PTPRD: variants seen among roughly 807,000 people sequenced by gnomAD.
PTPRD encodes protein tyrosine phosphatase receptor type D, also known as receptor-type tyrosine-protein phosphatase delta.
In PTPRD, 34 loss-of-function variants were observed where a neutral mutation model predicts 214.5. That is an observed-to-expected ratio of 0.16 (90% CI 0.12 to 0.21). The LOEUF is 0.21. PTPRD is among the 10% of genes least tolerant of loss of function. The pLI is 1.00. For synonymous variants in PTPRD, 1,128 were observed against 845.7 expected (o/e 1.33, Z -5.79); for missense variants, 2,545 against 2,398.7 (o/e 1.06, Z -1.27).
At chr9:9,280,363 G>T (rs924751445) in intron 9 of PTPRD, among the ~76,000 whole-genome samples, 14 of 151,186 alleles carry the variant, frequency 9.3e-5, no homozygotes, top group African/African-American at 3.4e-4. Flanking sequence ...AACTAAAAAT[G>T]ATAATTCAGA....
intron 3 of PTPRD, among the ~76,000 whole-genome samples, chr9:10,134,235 C>G (rs1011557943): frequency 1.3e-5 from 2 of 152,112 alleles, no homozygotes; most frequent in Non-Finnish European, 2.9e-5. Context: ...CTGCAGGTCT[C>G]CTGGTGACCT....
intron 5 of PTPRD, among the ~76,000 whole-genome samples, chr9:9,857,187 G>T (rs1040006010): frequency 6.6e-6 from 1 of 152,094 alleles, no homozygotes; most frequent in Non-Finnish European, 1.5e-5. Flanking sequence ...CAAATGCTTT[G>T]CCCTCAATGT....
intron 6 of PTPRD, among the ~76,000 whole-genome samples, chr9:9,759,465 C>A (rs1345034478): frequency 6.6e-6 from 1 of 151,738 alleles, no homozygotes; most frequent in Non-Finnish European, 1.5e-5. Context: ...AGCACCAGTA[C>A]CTTATTAGTT....
In PTPRD at chr9:8,375,822, G is replaced by C. The variant is rs555642997; in HGVS notation, c.4661+114C>G. 2.9e-5 allele frequency: 37 copies of C among 1,266,750 alleles called. No homozygotes were observed. The East Asian group carries it at 9.0e-4, about 31-fold the overall frequency. The allele number at this position is 1,266,750 out of a possible 1,614,324, so 78.5% of individuals were successfully genotyped here. ...GGCCTCATTTGACCAAAAGAGAGCTGTATTATTTATGAAGACATTTACTAT... is the reference window on the plus strand; with the variant it reads ...GGCCTCATTTGACCAAAAGAGAGCTCTATTATTTATGAAGACATTTACTAT... On this transcript the variant is annotated intron_variant, in intron 39 of 45. Transcript: ENST00000381196.
At chr9:8,685,626 C>G (rs142805156) in intron 12 of PTPRD, among the ~76,000 whole-genome samples, 1 of 152,104 alleles carries the variant, frequency 6.6e-6, no homozygotes, top group African/African-American at 2.4e-5. Flanking sequence ...TGTTTTAAAA[C>G]TGACTGAACA....
chr9:8,793,061 G>T (rs187712690), intron 11 of PTPRD, among the ~76,000 whole-genome samples: 3 of 152,164 alleles, frequency 2.0e-5, no homozygotes, highest in Admixed American at 6.5e-5. Context: ...GCGCTTTAGC[G>T]GCAAACAGAT....
chr9:9,585,797 T>C (rs965933316), intron 7 of PTPRD, among the ~76,000 whole-genome samples: 1 of 142,562 alleles, frequency 7.0e-6, no homozygotes, highest in East Asian at 1.9e-4. Context: ...CATGCATCAT[T>C]TGCATTTGCC....
chr9:9,244,726 G>A lies in PTPRD; in HGVS notation c.-202-61363C>T, dbSNP rs1029933005. Reference sequence around the variant, plus strand: ...AATACCATTCAGGACATAGGCATGGGCAAGGACTTCATGTCTAAAACACCA... The same window carrying A: ...AATACCATTCAGGACATAGGCATGGACAAGGACTTCATGTCTAAAACACCA... On this transcript the variant is annotated intron_variant, in intron 9 of 45. Coordinates refer to ENST00000381196, the MANE Select transcript of PTPRD (RefSeq NM_002839.4). Among the ~76,000 whole-genome samples the A allele has an allele frequency of 5.1e-4, 78 of 152,066 alleles. 1 individual carries two copies. The highest frequency in any genetic ancestry group is 3.3e-4 in the Admixed American group (5 of 15,268).
chr9:10,524,701 G>A (rs752180634), intron 2 of PTPRD, among the ~76,000 whole-genome samples: 1 of 152,038 alleles, frequency 6.6e-6, no homozygotes, highest in Non-Finnish European at 1.5e-5. Flanking sequence ...GTTAAGAGGA[G>A]TGTTTTATCC....
At chr9:9,144,260 T>C (rs191692466) in intron 10 of PTPRD, among the ~76,000 whole-genome samples, 2 of 152,358 alleles carry the variant, frequency 1.3e-5, no homozygotes, top group East Asian at 3.9e-4. Context: ...CCCTGCATTC[T>C]ACCTGGTAAT....
intron 3 of PTPRD, among the ~76,000 whole-genome samples, chr9:10,111,558 A>G (rs1203133665): frequency 6.6e-6 from 1 of 152,074 alleles, no homozygotes; most frequent in Non-Finnish European, 1.5e-5. Context: ...TTCTTATACC[A>G]ATAGAAGGTT....
chr9:8,623,577 G>C (rs772059798), intron 14 of PTPRD, among the ~76,000 whole-genome samples: 3 of 151,824 alleles, frequency 2.0e-5, no homozygotes, highest in Non-Finnish European at 2.9e-5. Flanking sequence ...TAATCCTACT[G>C]ATCATAGTAA....
intron 35 of PTPRD, among the ~76,000 whole-genome samples, chr9:8,405,305 G>T (rs1398561524): frequency 6.6e-6 from 1 of 151,484 alleles, no homozygotes; most frequent in Admixed American, 6.6e-5. Context: ...CATATAAATT[G>T]TTTTTCTATT....
chr9:9,596,266 A>T (rs1554673171), intron 7 of PTPRD, among the ~76,000 whole-genome samples: 1 of 151,982 alleles, frequency 6.6e-6, no homozygotes, highest in Non-Finnish European at 1.5e-5. Context: ...TATCAGATAA[A>T]ATAGCATATC....
intron 12 of PTPRD, among the ~76,000 whole-genome samples, chr9:8,700,442 G>C (rs1469699139): frequency 6.6e-6 from 1 of 152,164 alleles, no homozygotes; most frequent in Non-Finnish European, 1.5e-5. Flanking sequence ...TCTACAAAAA[G>C]TGTTATTCAA....
intron 35 of PTPRD, among the ~76,000 whole-genome samples, chr9:8,406,926 G>A (rs772475964): frequency 6.6e-6 from 1 of 152,124 alleles, no homozygotes; most frequent in Non-Finnish European, 1.5e-5. Flanking sequence ...ACTGGTATAC[G>A]TACAGTGCTC....
intron 9 of PTPRD, among the ~76,000 whole-genome samples, chr9:9,300,584 G>C (rs1481315673): frequency 6.6e-6 from 1 of 151,700 alleles, no homozygotes; most frequent in Admixed American, 6.6e-5. Flanking sequence ...AGTCATGAAG[G>C]TGGAGCCCTA....
intron 3 of PTPRD, among the ~76,000 whole-genome samples, chr9:10,300,032 G>A (rs2095812725): frequency 6.6e-6 from 1 of 151,994 alleles, no homozygotes; most frequent in Non-Finnish European, 1.5e-5. Flanking sequence ...CCTATACATT[G>A]TTAAAAATCT....
chr9:9,015,022 G>A (rs1041863227), intron 11 of PTPRD, among the ~76,000 whole-genome samples: 1 of 151,758 alleles, frequency 6.6e-6, no homozygotes, highest in Non-Finnish European at 1.5e-5. Context: ...AATTACTTAT[G>A]GATTTAAAAA....
Sources: gnomAD v4.1 joint callset for allele counts (sites outside exome capture counted in the v4.1 genomes callset) on GRCh38, gnomAD v4.1.1 for gene constraint, MANE v1.5 for transcripts, NCBI Gene and HGNC (gene_info 2026-07-23, HGNC 2026-07-21) for gene names.